EMP2: variants seen among roughly 807,000 people sequenced by gnomAD.
The protein encoded by EMP2 is epithelial membrane protein 2.
EMP2 carries 19 observed loss-of-function variants against 13.7 expected under a neutral mutation model. The ratio of observed to expected loss-of-function variants is 1.38; its 90% CI spans 0.97 to 2.03. EMP2 has a LOEUF of 2.03. Ranked by LOEUF, EMP2 falls within the 30% of genes most tolerant of loss-of-function variation. The probability of loss-of-function intolerance (pLI) is 0.00; values close to 1 mark genes in which losing one functional copy is unlikely to be tolerated. For missense variants in EMP2, 253 were observed against 220.7 expected (o/e 1.15, Z -0.93); for synonymous variants, 97 against 84.7 (o/e 1.15, Z -0.80).
At chr16:10,568,438 G>C (rs1489046447) in intron 1 of EMP2, among the ~76,000 whole-genome samples, 1 of 152,200 alleles carries the variant, frequency 6.6e-6, no homozygotes. Context: ...GTTCCAGAGA[G>C]AGAACTAAAT....
chr16:10,549,081 G>C (rs551095842), intron 1 of EMP2, among the ~76,000 whole-genome samples: 128 of 152,288 alleles, frequency 8.4e-4, no homozygotes, highest in African/African-American at 3.0e-3. Context: ...AGGTAGCTGG[G>C]GATGGTGCAG....
chr16:10,579,465 T>C (rs2051008199), intron 1 of EMP2, among the ~76,000 whole-genome samples: 1 of 152,158 alleles, frequency 6.6e-6, no homozygotes, highest in South Asian at 2.1e-4. Flanking sequence ...TGTGTAACCA[T>C]TGCCACTATG....
intron 1 of EMP2, among the ~76,000 whole-genome samples, chr16:10,549,204 A>C (rs1285511694): frequency 1.3e-5 from 2 of 152,234 alleles, no homozygotes; most frequent in African/African-American, 4.8e-5. Flanking sequence ...TTGGCAGGAC[A>C]GTTTGAGTGA....
rs1474623588 is a variant in EMP2 at position 10,532,744 on chromosome 16, T to TTTTTTG, written c.*160_*161insCAAAAA. The TTTTTTG allele has an allele frequency of 2.7e-6, 1 of 370,066 alleles. No individual in the cohort carries two copies. Among genetic ancestry groups the TTTTTTG allele is most frequent in the South Asian group, 1.1e-4 (1 of 8,810 alleles). 22.9% of individuals were successfully genotyped at this position (370,066 alleles called of 1,614,324 possible). A position where few individuals can be genotyped will look rare whatever the true frequency, so the allele number is the denominator to read the frequency against. On this transcript the variant is annotated 3_prime_UTR_variant, in exon 5 of 5. Coordinates refer to ENST00000359543, the MANE Select transcript of EMP2 (RefSeq NM_001424.6). Reference sequence around the variant, plus strand: ...AAAAACTCTTCTCTCTTTTGGATTTTTTTTTTCTTTTTTCTTTTTTTTTTT... The same window carrying TTTTTTG: ...AAAAACTCTTCTCTCTTTTGGATTTTTTTTTGTTTTTTCTTTTTTCTTTTTTTTTTT...
chr16:10,572,018 G>C (rs535849808), intron 1 of EMP2, among the ~76,000 whole-genome samples: 1 of 152,182 alleles, frequency 6.6e-6, no homozygotes, highest in Non-Finnish European at 1.5e-5. Flanking sequence ...AGGACTCAAG[G>C]CTCCCTGGCC....
At position 10,580,336 on chromosome 16, in the gene EMP2, G is replaced by C. The variant is rs1413751110; in HGVS notation, c.-61+213C>G. On this transcript the variant is annotated intron_variant, in intron 1 of 4. Transcript: ENST00000359543. The surrounding 1 kb of genome is among the most constrained non-coding windows in gnomAD (Gnocchi z 4.3). Reference sequence around the variant, plus strand: ...CAAAAGGCGTGGGAAGCTGTCCCGGGATGGCGAAGTGGAATTCTGGGGCCG... The same window carrying C: ...CAAAAGGCGTGGGAAGCTGTCCCGGCATGGCGAAGTGGAATTCTGGGGCCG... 6.6e-6 allele frequency among the ~76,000 whole-genome samples: 1 copy of C among 152,234 alleles called. No individual in the cohort carries two copies. Among genetic ancestry groups the C allele is most frequent in the Non-Finnish European group, 1.5e-5 (1 of 68,026 alleles).
chr16:10,579,813 G>A (rs2051013114), intron 1 of EMP2, among the ~76,000 whole-genome samples: 2 of 151,934 alleles, frequency 1.3e-5, no homozygotes, highest in Non-Finnish European at 2.9e-5. Context: ...TTTGCCCTGT[G>A]GTGTCTTCGG....
At chr16:10,539,903 T>TG (rs35502041) in intron 3 of EMP2, among the ~76,000 whole-genome samples, 44,773 of 151,692 alleles carry the variant, frequency 0.3, 6,958 homozygotes, top group South Asian at 0.38. Flanking sequence ...AGGGATCACC[T>TG]GGGATTGCTT....
chr16:10,571,919 G>A (rs1441052550), intron 1 of EMP2, among the ~76,000 whole-genome samples: 2 of 152,206 alleles, frequency 1.3e-5, no homozygotes, highest in Non-Finnish European at 1.5e-5. Flanking sequence ...GTCCACTGCT[G>A]TCAGCCTCTC....
chr16:10,572,424 G>C (rs957167171), intron 1 of EMP2, among the ~76,000 whole-genome samples: 1 of 151,616 alleles, frequency 6.6e-6, no homozygotes, highest in Non-Finnish European at 1.5e-5. Context: ...TCCAGCCTGG[G>C]TGACCCAGCG....
intron 3 of EMP2, among the ~76,000 whole-genome samples, chr16:10,541,013 G>T (rs2050692716): frequency 6.6e-6 from 1 of 151,982 alleles, no homozygotes; most frequent in Non-Finnish European, 1.5e-5. Context: ...ACTCGAACCT[G>T]GGGGGCAGAG....
At chr16:10,561,474 G>C (rs976596481) in intron 1 of EMP2, among the ~76,000 whole-genome samples, 1 of 152,122 alleles carries the variant, frequency 6.6e-6, no homozygotes, top group Non-Finnish European at 1.5e-5. Context: ...CAGGGAAGGA[G>C]ACGGAGGAGT....
chr16:10,540,186 G>C (rs150740098), intron 3 of EMP2, among the ~76,000 whole-genome samples: 55 of 152,324 alleles, frequency 3.6e-4, no homozygotes, highest in African/African-American at 8.2e-4. Context: ...CACGGAATGA[G>C]AGGGATGCTC....
At chr16:10,546,664 T>C (rs2050741783) in intron 2 of EMP2, 2 of 152,146 alleles carry the variant, frequency 1.3e-5, no homozygotes, top group Non-Finnish European at 2.9e-5. Flanking sequence ...CAGAGGGTGA[T>C]TTTGTTCTCC....
At chr16:10,547,398 A>C (rs1360841076) in intron 2 of EMP2, 142 bp downstream of exon 2, 2 of 853,682 alleles carry the variant, frequency 2.3e-6, no homozygotes, top group African/African-American at 3.4e-5. Context: ...TGGAATTGTG[A>C]GTCCATTAGA....
chr16:10,574,565 A>AT (rs34505451), intron 1 of EMP2, among the ~76,000 whole-genome samples: 109 of 145,644 alleles, frequency 7.5e-4, no homozygotes, highest in African/African-American at 1.8e-3. Flanking sequence ...AAAATTATAC[A>AT]TTTTTTTTTT....
At chr16:10,553,533 C>A (rs962925775) in intron 1 of EMP2, among the ~76,000 whole-genome samples, 1 of 152,358 alleles carries the variant, frequency 6.6e-6, no homozygotes, top group Middle Eastern at 3.4e-3. Flanking sequence ...CCCCAGTCAA[C>A]TTTCTTTGGC....
At chr16:10,576,793 A>C (rs2050987003) in intron 1 of EMP2, 1 of 152,206 alleles carries the variant, frequency 6.6e-6, no homozygotes, top group Non-Finnish European at 1.5e-5. Flanking sequence ...GAACAAAACC[A>C]ACAGTGTCTC....
intron 1 of EMP2, among the ~76,000 whole-genome samples, chr16:10,579,209 G>T (rs931963592): frequency 6.6e-6 from 1 of 152,076 alleles, no homozygotes; most frequent in Non-Finnish European, 1.5e-5. Context: ...GTGACTCCTG[G>T]GAAACCAGGA....
Sources: allele counts gnomAD v4.1 joint callset (sites outside exome capture counted in the v4.1 genomes callset), GRCh38; gene constraint gnomAD v4.1.1; non-coding constraint Gnocchi (gnomAD v3.1); transcripts MANE v1.5; gene names NCBI Gene and HGNC (gene_info 2026-07-23, HGNC 2026-07-21).